Variants in FNBP1 observed in about 807,000 individuals in gnomAD.
FNBP1 encodes the protein formin-binding protein 1.
FNBP1 carries 26 observed loss-of-function variants against 90.6 expected under a neutral mutation model. That is an observed-to-expected ratio of 0.29 (90% CI 0.21 to 0.40). The LOEUF is 0.40. Among genes scored for constraint, FNBP1 ranks in the 10% least tolerant of loss-of-function variants. The pLI is 1.00. For missense variants in FNBP1, 635 were observed against 768.0 expected (o/e 0.83, Z 2.05); for synonymous variants, 260 against 265.2 (o/e 0.98, Z 0.19).
chr9:129,894,887 G>A (rs909891585), intron 16 of FNBP1, among the ~76,000 whole-genome samples: 3 of 152,086 alleles, frequency 2.0e-5, no homozygotes, highest in Admixed American at 1.3e-4. Flanking sequence ...GAGCGAACCC[G>A]TCTCTACTAA....
chr9:129,949,384 C>T (rs941025112), intron 6 of FNBP1, among the ~76,000 whole-genome samples: 2 of 152,182 alleles, frequency 1.3e-5, no homozygotes, highest in Non-Finnish European at 2.9e-5. Flanking sequence ...GAGATAAAAA[C>T]TGCTAGCTTT....
chr9:129,890,516 C>CCGAGGCT lies in FNBP1; in HGVS notation c.*16_*22dup, dbSNP rs1471249512. 1.3e-5 allele frequency: 21 copies of CCGAGGCT among 1,582,146 alleles called. No homozygotes were observed. The African/African-American group carries it at 2.3e-4, about 17-fold the overall frequency. ...CGGAGGCTCCTCCAGGAAGGCTCAC[C>CCGAGGCT]CGAGGCTCGCAGGCACTCCCCTCTA... On this transcript the variant is annotated 3_prime_UTR_variant, in exon 17 of 17. Coordinates refer to ENST00000446176, the MANE Select transcript of FNBP1 (RefSeq NM_015033.3). This position sits in a 1 kb window ranked among gnomAD's most constrained non-coding sequence, Gnocchi z 5.8.
intron 11 of FNBP1, among the ~76,000 whole-genome samples, chr9:129,911,624 C>CAGTAAAT: frequency 6.6e-6 from 1 of 152,116 alleles, no homozygotes; most frequent in Non-Finnish European, 1.5e-5. Flanking sequence ...TTAATAATAT[C>CAGTAAAT]CTTTGTAATA....
rs549535020 is a variant in FNBP1 at position 129,890,890 on chromosome 9, C to T, written c.1847-344G>A. Among the ~76,000 whole-genome samples the T allele has an allele frequency of 4.6e-4, 70 of 152,354 alleles. 1 individual carries two copies. In the South Asian group the frequency reaches 5.6e-3, roughly 12 times the overall value. On this transcript the variant is annotated intron_variant, in intron 16 of 16. Coordinates refer to ENST00000446176, the MANE Select transcript of FNBP1 (RefSeq NM_015033.3). This position sits in a 1 kb window ranked among gnomAD's most constrained non-coding sequence, Gnocchi z 5.8. The stretch of plus-strand genomic sequence containing the variant: ...CGGAGGCCGGGGCTGGGCGCCGTGG[C>T]TCATGCCTGTAATCCCAGCACTTTG...
chr9:129,992,382 A>G (rs529723151), intron 2 of FNBP1, among the ~76,000 whole-genome samples: 1 of 152,282 alleles, frequency 6.6e-6, no homozygotes, highest in South Asian at 2.1e-4. Flanking sequence ...CACACAGGGC[A>G]CTAGAAACTG....
intron 12 of FNBP1, among the ~76,000 whole-genome samples, chr9:129,904,437 T>C (rs900556007): frequency 6.6e-6 from 1 of 152,168 alleles, no homozygotes; most frequent in Non-Finnish European, 1.5e-5. Context: ...TCATTAAAAA[T>C]TTAGAGCAAA....
intron 1 of FNBP1, among the ~76,000 whole-genome samples, chr9:130,011,836 C>T (rs1225988360): frequency 6.6e-6 from 1 of 152,098 alleles, no homozygotes; most frequent in Non-Finnish European, 1.5e-5. Context: ...ATATATCAAT[C>T]CTCCCCTAGA....
intron 7 of FNBP1, 35 bp from the exon 8 acceptor site, chr9:129,927,376 T>C (rs781030487): frequency 3.1e-6 from 5 of 1,594,882 alleles, no homozygotes; most frequent in Non-Finnish European, 4.3e-6. Flanking sequence ...GTAAGTTTGG[T>C]CCATTATTAT....
Position 130,041,133 on chromosome 9 carries a change from G to A in FNBP1, c.24+1819C>T, listed in dbSNP as rs1049518676. ...AATATAGGCCTGAGCCACTGCGCCCGGCCTCTCTCATTTATTTTCAATCAC... is the reference window on the plus strand; with the variant it reads ...AATATAGGCCTGAGCCACTGCGCCCAGCCTCTCTCATTTATTTTCAATCAC... On this transcript the variant is annotated intron_variant, in intron 1 of 16. Transcript: ENST00000446176. This position sits in a 1 kb window ranked among gnomAD's most constrained non-coding sequence, Gnocchi z 4.3. 6.6e-5 allele frequency among the ~76,000 whole-genome samples: 10 copies of A among 151,214 alleles called. No individual in the cohort carries two copies. Among genetic ancestry groups the A allele is most frequent in the East Asian group, 1.9e-4 (1 of 5,172 alleles).
chr9:129,992,298 C>G (rs758767312), intron 2 of FNBP1, among the ~76,000 whole-genome samples: 1 of 152,182 alleles, frequency 6.6e-6, no homozygotes, highest in Non-Finnish European at 1.5e-5. Flanking sequence ...TTCAAATAAT[C>G]AACGTGAAAC....
At chr9:130,010,469 G>T (rs1369667472) in intron 1 of FNBP1, among the ~76,000 whole-genome samples, 1 of 152,130 alleles carries the variant, frequency 6.6e-6, no homozygotes, top group Non-Finnish European at 1.5e-5. Flanking sequence ...TGTTGGAAAG[G>T]CTGGTCTCCA....
chr9:129,890,361 G>C lies in FNBP1; in HGVS notation c.*178C>G. 1.6e-6 allele frequency: 1 copy of C among 617,900 alleles called. No individual in the cohort carries two copies. The allele number at this position is 617,900 out of a possible 1,614,324, so 38.3% of individuals were successfully genotyped here. ...AGACTTGTCCCCCACGAGGTGGCCCGGGCTGGGCGGGAGGGCAGGGCCGCA... is the reference window on the plus strand; with the variant it reads ...AGACTTGTCCCCCACGAGGTGGCCCCGGCTGGGCGGGAGGGCAGGGCCGCA... On this transcript the variant is annotated 3_prime_UTR_variant, in exon 17 of 17. Transcript: ENST00000446176. The surrounding 1 kb of genome is among the most constrained non-coding windows in gnomAD (Gnocchi z 5.8).
At chr9:129,988,844 G>C (rs1289016502) in intron 2 of FNBP1, among the ~76,000 whole-genome samples, 1 of 152,100 alleles carries the variant, frequency 6.6e-6, no homozygotes, top group Non-Finnish European at 1.5e-5. Context: ...CCCATGCTAA[G>C]ACCTGACCTA....
intron 1 of FNBP1, among the ~76,000 whole-genome samples, chr9:130,000,392 G>A (rs1379785193): frequency 6.6e-6 from 1 of 152,142 alleles, no homozygotes; most frequent in African/African-American, 2.4e-5. Context: ...TCGGGAGGCT[G>A]AGGCAGGAGA....
chr9:129,956,832 C>G (rs2047010442), intron 6 of FNBP1, among the ~76,000 whole-genome samples: 2 of 152,208 alleles, frequency 1.3e-5, no homozygotes, highest in African/African-American at 4.8e-5. Flanking sequence ...CTTTATCACC[C>G]TGGTGACTCA....
chr9:130,032,891 A>C (rs1436578477), intron 1 of FNBP1, among the ~76,000 whole-genome samples: 1 of 152,214 alleles, frequency 6.6e-6, no homozygotes, highest in Non-Finnish European at 1.5e-5. Context: ...AGGAAAAGAT[A>C]AACATGCTAT....
intron 6 of FNBP1, among the ~76,000 whole-genome samples, chr9:129,931,244 T>C (rs1588639751): frequency 6.6e-6 from 1 of 151,806 alleles, no homozygotes; most frequent in Non-Finnish European, 1.5e-5. Flanking sequence ...TGCAGTGAGC[T>C]GTGATCACTA....
In FNBP1 at chr9:129,888,968, C is replaced by T; in HGVS notation, c.*1571G>A. ...CCAAGCAAAGAATAAAGCTGCCCGA[C>T]GTCATCCCCAGGCTTCCGTGGCGCT... On this transcript the variant is annotated 3_prime_UTR_variant, in exon 17 of 17. Transcript: ENST00000446176. The T allele has an allele frequency of 4.6e-6, 1 of 219,644 alleles. No individual in the cohort carries two copies. The highest frequency in any genetic ancestry group is 9.1e-6 in the Non-Finnish European group (1 of 109,892). 13.6% of individuals were successfully genotyped at this position (219,644 alleles called of 1,614,324 possible). A position where few individuals can be genotyped will look rare whatever the true frequency, so the allele number is the denominator to read the frequency against.
intron 15 of FNBP1, among the ~76,000 whole-genome samples, chr9:129,897,929 A>G (rs2036092769): frequency 6.6e-6 from 1 of 152,106 alleles, no homozygotes; most frequent in Non-Finnish European, 1.5e-5. Flanking sequence ...TCCTGGGTTC[A>G]AGCAATTCTC....
Sources: gnomAD v4.1 joint callset for allele counts (sites outside exome capture counted in the v4.1 genomes callset) on GRCh38, gnomAD v4.1.1 for gene constraint, Gnocchi (gnomAD v3.1) non-coding constraint, MANE v1.5 for transcripts, NCBI Gene and HGNC (gene_info 2026-07-23, HGNC 2026-07-21) for gene names.